The following LNX1 variants were observed in gnomAD, a reference collection of about 807,000 sequenced individuals.
The protein encoded by LNX1 is ligand of numb-protein X 1.
Under a neutral mutation model 68.4 loss-of-function variants are expected in LNX1, and 54 were observed. The ratio of observed to expected loss-of-function variants is 0.79; its 90% CI spans 0.63 to 0.99. The LOEUF (loss-of-function observed/expected upper bound fraction) is 0.99, where lower values mean the gene tolerates loss of function less well. LNX1 is among the 50% of genes least tolerant of loss of function. The pLI is 0.00. For synonymous variants in LNX1, 336 were observed against 350.0 expected, an observed-to-expected ratio of 0.96 and a Z score of 0.45; for missense variants, 906 against 926.4, an observed-to-expected ratio of 0.98 and a Z score of 0.29.
At chr4:53,524,561 T>C (rs1056109216) in intron 2 of LNX1, among the ~76,000 whole-genome samples, 2 of 152,164 alleles carry the variant, frequency 1.3e-5, no homozygotes, top group East Asian at 3.9e-4. Flanking sequence ...ACACAACCAG[T>C]AAAATGACAG....
chr4:53,610,421 T>C (rs1321490509), intron 2 of LNX1, among the ~76,000 whole-genome samples: 1 of 152,078 alleles, frequency 6.6e-6, no homozygotes, highest in Non-Finnish European at 1.5e-5. Context: ...AAAAATTTTG[T>C]AGTTAAAATG....
chr4:53,590,515 A>AACAGAAGTAG (rs56303907), intron 1 of LNX1, among the ~76,000 whole-genome samples: 130,828 of 151,868 alleles, frequency 0.86, 56,449 homozygotes, highest in Middle Eastern at 0.91. Flanking sequence ...GGCTGTCAAG[A>AACAGAAGTAG]TACAGGCTGT....
chr4:53,635,870 T>A (rs1406432598), intron 1 of LNX1, among the ~76,000 whole-genome samples: 1 of 152,212 alleles, frequency 6.6e-6, no homozygotes, highest in African/African-American at 2.4e-5. Context: ...GTACTTCTTG[T>A]CCTAACTGCA....
intron 9 of LNX1, among the ~76,000 whole-genome samples, chr4:53,469,553 C>G (rs1448483718): frequency 1.3e-5 from 2 of 152,134 alleles, no homozygotes; most frequent in African/African-American, 4.8e-5. Context: ...AATCCAGGAG[C>G]TGGTTTTTTG....
intron 1 of LNX1, among the ~76,000 whole-genome samples, chr4:53,645,440 G>A (rs1734849719): frequency 1.3e-5 from 2 of 152,274 alleles, no homozygotes; most frequent in East Asian, 3.9e-4. Flanking sequence ...TTACCCAATG[G>A]GGTCTATTCC....
intron 2 of LNX1, among the ~76,000 whole-genome samples, chr4:53,548,528 TCC>T (rs1208131141): frequency 6.6e-6 from 1 of 152,184 alleles, no homozygotes. Context: ...GAGATATTTC[TCC>T]AGTCTCTTAA....
chr4:53,513,969 G>A (rs1207430231), intron 2 of LNX1, among the ~76,000 whole-genome samples: 1 of 152,116 alleles, frequency 6.6e-6, no homozygotes, highest in Non-Finnish European at 1.5e-5. Context: ...CCTCAAACTT[G>A]CCCACCATGT....
chr4:53,550,794 T>C (rs372021685), intron 2 of LNX1, among the ~76,000 whole-genome samples: 7 of 152,096 alleles, frequency 4.6e-5, no homozygotes, highest in African/African-American at 1.7e-4. Context: ...CTGAAGTTAG[T>C]AGGCAGGAAA....
chr4:53,466,519 C>T (rs10019672), intron 9 of LNX1, among the ~76,000 whole-genome samples: 18,703 of 152,154 alleles, frequency 0.12, 1,213 homozygotes, highest in Non-Finnish European at 0.15. Flanking sequence ...ACACCGAGCA[C>T]GAGCCAAAGC....
intron 2 of LNX1, among the ~76,000 whole-genome samples, chr4:53,564,988 G>A (rs1042336575): frequency 2.6e-5 from 4 of 152,178 alleles, no homozygotes; most frequent in Non-Finnish European, 2.9e-5. Flanking sequence ...CACCTGGCTC[G>A]GAGGGTCCTA....
intron 2 of LNX1, among the ~76,000 whole-genome samples, chr4:53,543,834 A>G (rs1728915759): frequency 6.6e-6 from 1 of 152,218 alleles, no homozygotes; most frequent in African/African-American, 2.4e-5. Context: ...CTGGGAAAGA[A>G]AAAACAAATC....
rs140649246 is a variant in LNX1 at position 53,463,596 on chromosome 4, C to CT, written c.1893-2004dup. Among the ~76,000 whole-genome samples, 281 of 151,514 alleles carry CT rather than the reference C, an allele frequency of 1.9e-3. 1 individual carries two copies. The highest frequency in any genetic ancestry group is 6.5e-3 in the African/African-American group (270 of 41,284). On this transcript the variant is annotated intron_variant, in intron 9 of 10. Transcript: ENST00000263925. ...TTTAAACTTTGAATGTGAATGTTGG[C>CT]TTTTTTCCTATTCTGCACTCATTCT... is the stretch of plus-strand genomic sequence containing the variant.
chr4:53,577,071 G>A (rs56183605), intron 1 of LNX1, among the ~76,000 whole-genome samples: 12,855 of 152,216 alleles, frequency 0.084, 612 homozygotes, highest in Non-Finnish European at 0.12. Context: ...TGCAGGAGGG[G>A]GTAAAGTTGT....
chr4:53,625,572 G>A (rs1734040294), intron 1 of LNX1, among the ~76,000 whole-genome samples: 1 of 152,154 alleles, frequency 6.6e-6, no homozygotes. Flanking sequence ...CAAAGCAGAA[G>A]GATTGCTTGG....
At chr4:53,472,477 T>C (rs1723266823) in intron 9 of LNX1, among the ~76,000 whole-genome samples, 1 of 151,292 alleles carries the variant, frequency 6.6e-6, no homozygotes, top group African/African-American at 2.4e-5. Context: ...CCCTAAAACT[T>C]AAAGTATAAT....
rs189892054 is a variant in LNX1, at chr4:53,483,070, C to T, written c.1351-1216G>A. On this transcript the variant is annotated intron_variant, in intron 6 of 10. Transcript: ENST00000263925. ...TCAAACTTCACCTTGAATTGTAGCT[C>T]CCATAATTCCCATATGTCATCGGAG... Among the ~76,000 whole-genome samples the T allele has an allele frequency of 2.6e-3, 400 of 152,242 alleles. 4 individuals are homozygous for T. The highest frequency in any genetic ancestry group is 3.4e-3 in the Middle Eastern group (1 of 294).
chr4:53,587,811 G>A (rs11945338), intron 1 of LNX1, among the ~76,000 whole-genome samples: 22,347 of 152,110 alleles, frequency 0.15, 1,728 homozygotes, highest in African/African-American at 0.18. Flanking sequence ...AGGAAGACCC[G>A]CTGTTTACTC....
At chr4:53,521,811 T>G (rs1325197255) in intron 2 of LNX1, among the ~76,000 whole-genome samples, 1 of 152,150 alleles carries the variant, frequency 6.6e-6, no homozygotes, top group Non-Finnish European at 1.5e-5. Context: ...GCTTACTCTT[T>G]GGTTACTGCT....
intron 1 of LNX1, among the ~76,000 whole-genome samples, chr4:53,630,096 G>T (rs2164266): frequency 0.74 from 112,319 of 151,670 alleles, 42,186 homozygotes; most frequent in East Asian, 0.92. Context: ...AAAAAGGTGG[G>T]GGGGGCATGC....
Sources: gnomAD v4.1 joint callset for allele counts (sites outside exome capture counted in the v4.1 genomes callset) on GRCh38, gnomAD v4.1.1 for gene constraint, MANE v1.5 for transcripts, NCBI Gene and HGNC (gene_info 2026-07-23, HGNC 2026-07-21) for gene names.